The following NCAM1 variants were observed in gnomAD, a reference collection of about 807,000 sequenced individuals.
NCAM1 encodes the protein neural cell adhesion molecule 1.
NCAM1 carries 14 observed loss-of-function variants against 109.8 expected under a neutral mutation model. The ratio of observed to expected loss-of-function variants is 0.13; its 90% CI spans 0.08 to 0.20. NCAM1 has a LOEUF of 0.20. Among genes scored for constraint, NCAM1 ranks in the 10% least tolerant of loss-of-function variants. The pLI, the probability that NCAM1 is intolerant of heterozygous loss-of-function variation, is 1.00. For missense variants in NCAM1, 774 were observed against 1,109.9 expected (o/e 0.70, Z 4.30); for synonymous variants, 418 against 442.9 (o/e 0.94, Z 0.70).
chr11:113,268,036 G>A (rs1264840526), intron 17 of NCAM1, among the ~76,000 whole-genome samples: 1 of 152,094 alleles, frequency 6.6e-6, no homozygotes, highest in Non-Finnish European at 1.5e-5. Context: ...TACACCTATC[G>A]GGTACTGATG....
At chr11:112,981,190 ATCAT>A (rs1220908707) in intron 1 of NCAM1, among the ~76,000 whole-genome samples, 1 of 151,852 alleles carries the variant, frequency 6.6e-6, no homozygotes, top group Non-Finnish European at 1.5e-5. Context: ...CTTAAGGCTT[ATCAT>A]TCATTCTCTG....
At chr11:112,979,154 C>G (rs1555068202) in intron 1 of NCAM1, among the ~76,000 whole-genome samples, 1 of 150,656 alleles carries the variant, frequency 6.6e-6, no homozygotes, top group African/African-American at 2.4e-5. Flanking sequence ...GGTTGCTGTT[C>G]TGAAGAACAG....
chr11:113,018,552 A>T (rs1400125337), intron 1 of NCAM1, among the ~76,000 whole-genome samples: 1 of 152,206 alleles, frequency 6.6e-6, no homozygotes, highest in East Asian at 1.9e-4. Flanking sequence ...CTACACAAAC[A>T]AAATTACCCC....
chr11:113,212,217 T>C (rs1160880068), intron 7 of NCAM1, among the ~76,000 whole-genome samples: 1 of 152,224 alleles, frequency 6.6e-6, no homozygotes, highest in Non-Finnish European at 1.5e-5. Flanking sequence ...TAAGGTGGCA[T>C]CTGAGCTTTC....
Position 113,157,109 on chromosome 11 carries a change from A to C in NCAM1, c.53-45270A>C, listed in dbSNP as rs140983827. ...GTCACCCTAGAGAGAAGCAATGAAG[A>C]CTTAAAGACAAAAGGTGTTTCCCTG... is the stretch of plus-strand genomic sequence containing the variant. On this transcript the variant is annotated intron_variant, in intron 1 of 19. Coordinates refer to ENST00000316851, the MANE Select transcript of NCAM1 (RefSeq NM_181351.5). 4.8e-3 allele frequency among the ~76,000 whole-genome samples: 731 copies of C among 151,080 alleles called. 7 individuals are homozygous for C. The highest frequency in any genetic ancestry group is 6.3e-3 in the Non-Finnish European group (430 of 67,950).
chr11:113,164,216 G>A (rs1241970016), intron 1 of NCAM1, among the ~76,000 whole-genome samples: 1 of 152,126 alleles, frequency 6.6e-6, no homozygotes, highest in East Asian at 1.9e-4. Flanking sequence ...TGGAGAAGAG[G>A]ACTCCATGGT....
At chr11:113,112,944 C>A (rs1271290014) in intron 1 of NCAM1, among the ~76,000 whole-genome samples, 1 of 152,006 alleles carries the variant, frequency 6.6e-6, no homozygotes, top group Non-Finnish European at 1.5e-5. Flanking sequence ...CCAGCCTGGC[C>A]AACATGGTGA....
chr11:113,160,052 C>G (rs782338647), intron 1 of NCAM1, among the ~76,000 whole-genome samples: 1 of 152,052 alleles, frequency 6.6e-6, no homozygotes, highest in Non-Finnish European at 1.5e-5. Context: ...CTAGGTTTCA[C>G]GTGTACCTGC....
intron 1 of NCAM1, among the ~76,000 whole-genome samples, chr11:112,974,924 C>G (rs1555067417): frequency 6.6e-6 from 1 of 151,936 alleles, no homozygotes; most frequent in East Asian, 1.9e-4. Context: ...TGACCTATCT[C>G]CTTCAGGGTT....
chr11:113,214,424 G>A lies in NCAM1; in HGVS notation c.972G>A (p.Gln324=), dbSNP rs969913624. ...AGACTGCCATGGAATTAGAGGAGCA[G>A]GTCACTCTTACCTGTGAAGCCTCCG... ...ENQTAMELEE[Q]VTLTCEASGD... Residue 324 remains glutamine (Q), a synonymous_variant, in exon 8 of 20, where the codon CAG becomes CAA. Transcript: ENST00000316851. 1 of 1,613,886 alleles carries A rather than the reference G, an allele frequency of 6.2e-7. No individual in the cohort carries two copies. Among genetic ancestry groups the A allele is most frequent in the Middle Eastern group, 1.6e-4 (1 of 6,062 alleles).
intron 1 of NCAM1, among the ~76,000 whole-genome samples, chr11:113,124,707 A>G (rs1416033792): frequency 6.6e-6 from 1 of 152,238 alleles, no homozygotes; most frequent in Non-Finnish European, 1.5e-5. Context: ...ATAAGGTATA[A>G]TACGTCAAGG....
chr11:113,250,651 C>T (rs1555121097), intron 15 of NCAM1, among the ~76,000 whole-genome samples: 1 of 152,176 alleles, frequency 6.6e-6, no homozygotes, highest in African/African-American at 2.4e-5. Flanking sequence ...TAAAACTAGA[C>T]AGTCTTATTT....
intron 9 of NCAM1, among the ~76,000 whole-genome samples, chr11:113,222,169 A>G (rs781901517): frequency 2.6e-5 from 4 of 152,202 alleles, no homozygotes; most frequent in Non-Finnish European, 4.4e-5. Context: ...ATCTCTAAGG[A>G]CTTTTTTAAA....
chr11:113,243,780 G>A (rs1945417353), intron 14 of NCAM1: 2 of 274,112 alleles, frequency 7.3e-6, no homozygotes, highest in South Asian at 7.0e-5. Context: ...GAACAAGAAG[G>A]CAGAAAGCAG....
intron 1 of NCAM1, among the ~76,000 whole-genome samples, chr11:113,139,367 T>C (rs1176746587): frequency 6.6e-6 from 1 of 152,210 alleles, no homozygotes; most frequent in African/African-American, 2.4e-5. Context: ...ATATCGTTTA[T>C]TTTTATTATT....
chr11:113,125,500 A>G (rs1357850007), intron 1 of NCAM1, among the ~76,000 whole-genome samples: 2 of 152,240 alleles, frequency 1.3e-5, no homozygotes, highest in Non-Finnish European at 2.9e-5. Context: ...TCAAAACTGC[A>G]GCAGAGATTG....
chr11:113,065,509 C>T (rs1172138246), intron 1 of NCAM1, among the ~76,000 whole-genome samples: 3 of 152,046 alleles, frequency 2.0e-5, no homozygotes, highest in East Asian at 1.9e-4. Context: ...AGTTGCAAAC[C>T]GTTGATAGTA....
chr11:113,236,569 T>C (rs1195780829), intron 14 of NCAM1, among the ~76,000 whole-genome samples: 3 of 152,178 alleles, frequency 2.0e-5, no homozygotes, highest in Non-Finnish European at 4.4e-5. Flanking sequence ...TATTTATTAA[T>C]TTTTGTGTGT....
Position 113,273,097 on chromosome 11 carries a change from C to T in NCAM1, c.2456+1221C>T, listed in dbSNP as rs782692469. On this transcript the variant is annotated intron_variant, in intron 19 of 19. Coordinates refer to ENST00000316851, the MANE Select transcript of NCAM1 (RefSeq NM_181351.5). The surrounding 1 kb of genome is among the most constrained non-coding windows in gnomAD (Gnocchi z 6.0). ...AGTATTGCCCCGCCGGCCACGGCCA[C>T]GCCTGACTCAAACTCTGTACCGGCT... The T allele has an allele frequency of 3.1e-5, 14 of 456,352 alleles. No individual in the cohort carries two copies. The highest frequency in any genetic ancestry group is 1.0e-4 in the African/African-American group (5 of 50,066). The allele number at this position is 456,352 out of a possible 1,614,324, so 28.3% of individuals were successfully genotyped here.
Sources: allele counts gnomAD v4.1 joint callset (sites outside exome capture counted in the v4.1 genomes callset), GRCh38; gene constraint gnomAD v4.1.1; non-coding constraint Gnocchi (gnomAD v3.1); transcripts MANE v1.5; gene names NCBI Gene and HGNC (gene_info 2026-07-23, HGNC 2026-07-21).